The following LPAR3 variants were observed in gnomAD, a reference collection of about 807,000 sequenced individuals.
LPAR3 encodes the protein LPA receptor 3.
In LPAR3, 7 loss-of-function variants were observed where a neutral mutation model predicts 17.8. The ratio of observed to expected loss-of-function variants is 0.39; its 90% CI spans 0.22 to 0.74. LPAR3 has a LOEUF of 0.74. LPAR3 is among the 30% of genes least tolerant of loss of function. The probability of loss-of-function intolerance (pLI) is 0.40; values close to 1 mark genes in which losing one functional copy is unlikely to be tolerated. For missense variants in LPAR3, 391 were observed against 453.4 expected, an observed-to-expected ratio of 0.86 and a Z score of 1.25; for synonymous variants, 179 against 179.9, an observed-to-expected ratio of 0.99 and a Z score of 0.04.
chr1:84,877,726 G>A (rs1660284856), intron 1 of LPAR3, among the ~76,000 whole-genome samples: 1 of 152,120 alleles, frequency 6.6e-6, no homozygotes, highest in South Asian at 2.1e-4. Flanking sequence ...CAGGAGGTGG[G>A]GTGGGGAGTC....
At chr1:84,856,445 G>A (rs1659830266) in intron 2 of LPAR3, among the ~76,000 whole-genome samples, 2 of 152,194 alleles carry the variant, frequency 1.3e-5, no homozygotes, top group African/African-American at 4.8e-5. Context: ...CATGCAGGCA[G>A]TAAACATTGA....
chr1:84,876,234 A>G (rs1342356829), intron 1 of LPAR3, among the ~76,000 whole-genome samples: 1 of 152,068 alleles, frequency 6.6e-6, no homozygotes, highest in Non-Finnish European at 1.5e-5. Flanking sequence ...TCTGTCTGGT[A>G]GTAAAGGTAG....
chr1:84,811,862 T>C lies in LPAR3; in HGVS notation c.*1984A>G, dbSNP rs1321961452. 2 of 152,198 alleles carry C rather than the reference T, an allele frequency of 1.3e-5. No individual in the cohort carries two copies. The highest frequency in any genetic ancestry group is 4.8e-5 in the African/African-American group (2 of 41,460). The allele number at this position is 152,198 out of a possible 1,614,324, so 9.4% of individuals were successfully genotyped here. ...TATAATATCTACCTTGAAGTTATTC[T>C]CATTTTAAATCAGAATACACTCTAA... On this transcript the variant is annotated 3_prime_UTR_variant, in exon 3 of 3. Coordinates refer to ENST00000370611, the MANE Select transcript of LPAR3 (RefSeq NM_012152.3).
At chr1:84,863,047 C>A (rs1019261703) in intron 2 of LPAR3, among the ~76,000 whole-genome samples, 12 of 151,764 alleles carry the variant, frequency 7.9e-5, no homozygotes, top group African/African-American at 2.7e-4. Context: ...GGGCTCACAA[C>A]CTTTCTCTCC....
At chr1:84,841,279 G>A (rs1395186237) in intron 2 of LPAR3, among the ~76,000 whole-genome samples, 1 of 152,156 alleles carries the variant, frequency 6.6e-6, no homozygotes, top group East Asian at 1.9e-4. Context: ...TACTTAAGAG[G>A]TTTACAAGGA....
chr1:84,874,651 A>G (rs983703008), intron 1 of LPAR3, among the ~76,000 whole-genome samples: 6 of 152,200 alleles, frequency 3.9e-5, no homozygotes, highest in Non-Finnish European at 7.4e-5. Flanking sequence ...ACAAATCTTT[A>G]CTTGTGTTTG....
At chr1:84,854,263 C>T (rs1659774859) in intron 2 of LPAR3, among the ~76,000 whole-genome samples, 1 of 152,182 alleles carries the variant, frequency 6.6e-6, no homozygotes. Flanking sequence ...CTCCTATCTG[C>T]AATGCCTTCC....
intron 2 of LPAR3, among the ~76,000 whole-genome samples, chr1:84,832,045 A>G (rs1186400956): frequency 1.3e-5 from 2 of 152,250 alleles, no homozygotes; most frequent in African/African-American, 4.8e-5. Flanking sequence ...CTAGTTCCCT[A>G]TTAAGACATT....
At chr1:84,878,681 A>C (rs1191048935) in intron 1 of LPAR3, among the ~76,000 whole-genome samples, 2 of 152,186 alleles carry the variant, frequency 1.3e-5, no homozygotes, top group Non-Finnish European at 2.9e-5. Flanking sequence ...ACCATAAGGA[A>C]AAAAGTTTCA....
intron 2 of LPAR3, among the ~76,000 whole-genome samples, chr1:84,839,483 G>A (rs1185838008): frequency 6.6e-6 from 1 of 152,092 alleles, no homozygotes; most frequent in Non-Finnish European, 1.5e-5. Flanking sequence ...AGACCAGCCT[G>A]GGAAACATAA....
At chr1:84,890,452 T>C (rs1415727673) in intron 1 of LPAR3, among the ~76,000 whole-genome samples, 14 of 152,330 alleles carry the variant, frequency 9.2e-5, no homozygotes. Context: ...CTCAGTGCTT[T>C]CTCTTTTAAT....
rs528450536 is a variant in LPAR3 at position 84,873,652 on chromosome 1, C to T, written c.-18-7514G>A. Reference sequence around the variant, plus strand: ...ACAATTCGGTTTCTGTATCTTCATACTCTAGATCATTTCTCTTGAGAAAGC... The same window carrying T: ...ACAATTCGGTTTCTGTATCTTCATATTCTAGATCATTTCTCTTGAGAAAGC... On this transcript the variant is annotated intron_variant, in intron 1 of 2. Transcript: ENST00000370611. Among the ~76,000 whole-genome samples the T allele has an allele frequency of 3.9e-5, 6 of 152,210 alleles. No homozygotes were observed. In the East Asian group the frequency reaches 1.2e-3, roughly 29 times the overall value.
intron 1 of LPAR3, among the ~76,000 whole-genome samples, chr1:84,876,369 T>C (rs1389467408): frequency 6.6e-6 from 1 of 152,162 alleles, no homozygotes; most frequent in East Asian, 1.9e-4. Context: ...GCTTCCTTGC[T>C]TTCCAGCTTC....
intron 2 of LPAR3, among the ~76,000 whole-genome samples, chr1:84,842,367 T>A (rs2102755075): frequency 6.6e-6 from 1 of 152,326 alleles, no homozygotes; most frequent in South Asian, 2.1e-4. Flanking sequence ...CAAAAGAAAT[T>A]CAGTCACTGG....
At chr1:84,817,427 T>C (rs1385546445) in intron 2 of LPAR3, among the ~76,000 whole-genome samples, 1 of 152,106 alleles carries the variant, frequency 6.6e-6, no homozygotes, top group Non-Finnish European at 1.5e-5. Flanking sequence ...ACTGCTAACA[T>C]AGAGCAAACC....
intron 1 of LPAR3, among the ~76,000 whole-genome samples, chr1:84,880,647 AAGAGCTTGACCC>A (rs1660348207): frequency 6.6e-6 from 1 of 152,210 alleles, no homozygotes; most frequent in Non-Finnish European, 1.5e-5. Context: ...AGTCATGCTT[AAGAGCTTGACCC>A]AGAGTGGGAT....
At chr1:84,864,784 C>A (rs572343863) in intron 2 of LPAR3, among the ~76,000 whole-genome samples, 8 of 150,174 alleles carry the variant, frequency 5.3e-5, no homozygotes, top group Non-Finnish European at 1.0e-4. Flanking sequence ...GAGGCTCCGG[C>A]AAAAAAAGAA....
intron 2 of LPAR3, among the ~76,000 whole-genome samples, chr1:84,815,253 C>T (rs182128155): frequency 2.0e-5 from 3 of 152,248 alleles, no homozygotes; most frequent in East Asian, 1.9e-4. Context: ...CTATATGACC[C>T]GCCTCTGTAG....
Position 84,865,674 on chromosome 1 carries a change from A to T in LPAR3, c.447T>A (p.Ile149=). 6.2e-7 allele frequency: 1 copy of T among 1,614,188 alleles called. No homozygotes were observed. The highest frequency in any genetic ancestry group is 8.5e-7 in the Non-Finnish European group (1 of 1,180,040). ...NLTKKRVTLL[I]LLVWAIAIFM... ...AAATGGCGATGGCCCAGACAAGCAA[A>T]ATGAGCAGTGTCACCCTCTTTTTGG... The change falls in exon 2 of 3, where the codon ATT becomes ATA. Residue 149 remains isoleucine, a synonymous_variant. Coordinates refer to ENST00000370611, the MANE Select transcript of LPAR3 (RefSeq NM_012152.3).
Sources: gnomAD v4.1 joint callset for allele counts (sites outside exome capture counted in the v4.1 genomes callset) on GRCh38, gnomAD v4.1.1 for gene constraint, MANE v1.5 for transcripts, NCBI Gene and HGNC (gene_info 2026-07-23, HGNC 2026-07-21) for gene names.